SLC2A13: variants seen among roughly 807,000 people sequenced by gnomAD.
The protein encoded by SLC2A13 is proton myo-inositol cotransporter.
SLC2A13 carries 32 observed loss-of-function variants against 64.4 expected under a neutral mutation model. The observed-to-expected ratio is 0.50, with a 90% confidence interval of 0.37 to 0.67. SLC2A13 has a LOEUF of 0.67. SLC2A13 is among the 30% of genes least tolerant of loss of function. The pLI, the probability that SLC2A13 is intolerant of heterozygous loss-of-function variation, is 0.00. For synonymous variants in SLC2A13, 338 were observed against 327.1 expected (o/e 1.03, Z -0.36); for missense variants, 743 against 829.2 (o/e 0.90, Z 1.28).
chr12:39,939,899 A>G (rs889064199), intron 4 of SLC2A13, among the ~76,000 whole-genome samples: 1 of 152,182 alleles, frequency 6.6e-6, no homozygotes, highest in African/African-American at 2.4e-5. Context: ...AATGCACATT[A>G]AAAGTCCATC....
chr12:40,003,385 AGAG>A (rs1947351137), intron 3 of SLC2A13, among the ~76,000 whole-genome samples: 2 of 152,182 alleles, frequency 1.3e-5, no homozygotes, highest in Non-Finnish European at 2.9e-5. Flanking sequence ...GGACCAAGGA[AGAG>A]GAGAGACAAA....
At chr12:39,911,328 C>G (rs1420030402) in intron 4 of SLC2A13, among the ~76,000 whole-genome samples, 1 of 152,052 alleles carries the variant, frequency 6.6e-6, no homozygotes, top group Non-Finnish European at 1.5e-5. Flanking sequence ...ATGTCTTTTT[C>G]ACTTAAGACT....
At chr12:40,099,884 A>C (rs1385814819) in intron 1 of SLC2A13, among the ~76,000 whole-genome samples, 1 of 151,748 alleles carries the variant, frequency 6.6e-6, no homozygotes, top group African/African-American at 2.4e-5. Flanking sequence ...AAAAAGAAAG[A>C]AAGTGGGGAG....
intron 2 of SLC2A13, among the ~76,000 whole-genome samples, chr12:40,036,568 T>C (rs1947988786): frequency 6.6e-6 from 1 of 152,234 alleles, no homozygotes; most frequent in Non-Finnish European, 1.5e-5. Flanking sequence ...TGTACTGTTT[T>C]GTGTCTAGCT....
chr12:39,890,630 CTTTTAT>C (rs1565522343), intron 4 of SLC2A13, among the ~76,000 whole-genome samples: 1 of 151,756 alleles, frequency 6.6e-6, no homozygotes, highest in African/African-American at 2.4e-5. Flanking sequence ...TTAAGGTTTT[CTTTTAT>C]TTTTAATTGA....
chr12:40,087,686 G>A (rs1938628353), intron 1 of SLC2A13, among the ~76,000 whole-genome samples: 1 of 152,048 alleles, frequency 6.6e-6, no homozygotes, highest in African/African-American at 2.4e-5. Context: ...TACCTCATAA[G>A]AGACCAGAGT....
chr12:39,896,316 G>C (rs540154966), intron 4 of SLC2A13, among the ~76,000 whole-genome samples: 1 of 123,870 alleles, frequency 8.1e-6, no homozygotes, highest in Non-Finnish European at 1.7e-5. Context: ...ATACATATAT[G>C]TATGTATATG....
At chr12:39,795,550 A>G (rs948261131) in intron 7 of SLC2A13, among the ~76,000 whole-genome samples, 3 of 152,076 alleles carry the variant, frequency 2.0e-5, no homozygotes, top group Admixed American at 2.0e-4. Context: ...GTTCCCTGGT[A>G]TATTTTATGT....
In SLC2A13 at chr12:39,842,589, C is replaced by G. The variant is rs140605778; in HGVS notation, c.1320-12361G>C. Reference sequence around the variant, plus strand: ...AAGTTCTACGTGGAAAAGTGGTGATCACTCACTATAGCACATATTTTTAAA... The same window carrying G: ...AAGTTCTACGTGGAAAAGTGGTGATGACTCACTATAGCACATATTTTTAAA... On this transcript the variant is annotated intron_variant, in intron 6 of 9. Transcript: ENST00000280871. 3.0e-3 allele frequency among the ~76,000 whole-genome samples: 457 copies of G among 152,072 alleles called. 2 individuals carry two copies. The highest frequency in any genetic ancestry group is 0.022 in the East Asian group (115 of 5,174).
In SLC2A13 at chr12:39,759,851, GA is replaced by G. The variant is rs1013347277; in HGVS notation, c.*174del. The G allele has an allele frequency of 1.7e-4, 95 of 552,702 alleles. No homozygotes were observed. The highest frequency in any genetic ancestry group is 3.8e-4 in the East Asian group (13 of 34,146). 34.2% of individuals were successfully genotyped at this position (552,702 alleles called of 1,614,324 possible). A position where few individuals can be genotyped will look rare whatever the true frequency, so the allele number is the denominator to read the frequency against. On this transcript the variant is annotated 3_prime_UTR_variant, in exon 10 of 10. Transcript: ENST00000280871. Reference sequence around the variant, plus strand: ...ATTTTTTAAAATATTGTTCCTTGTGGAAAAAAAAAGTCATCATGGTTGTATC... The same window carrying G: ...ATTTTTTAAAATATTGTTCCTTGTGGAAAAAAAAGTCATCATGGTTGTATC...
intron 4 of SLC2A13, among the ~76,000 whole-genome samples, chr12:39,882,161 G>A (rs1303858104): frequency 1.3e-5 from 2 of 151,938 alleles, no homozygotes; most frequent in African/African-American, 4.8e-5. Context: ...TACTTACTAT[G>A]TGAGTACTCT....
At chr12:40,055,933 T>C (rs1273495046) in intron 1 of SLC2A13, among the ~76,000 whole-genome samples, 1 of 149,980 alleles carries the variant, frequency 6.7e-6, no homozygotes, top group Non-Finnish European at 1.5e-5. Flanking sequence ...TGGAAGATAT[T>C]AAGCTGCTTG....
At position 39,755,150 on chromosome 12, in the gene SLC2A13, C is replaced by T. The variant is rs1474385653; in HGVS notation, c.*4876G>A. ...AACTTCAATAAAATAACTTAAAAAA[C>T]ATTTACATGTATATCACTAAATCTC... On this transcript the variant is annotated 3_prime_UTR_variant, in exon 10 of 10. Transcript: ENST00000280871. The T allele has an allele frequency of 6.6e-6, 1 of 151,880 alleles. No homozygotes were observed. Among genetic ancestry groups the T allele is most frequent in the East Asian group, 1.9e-4 (1 of 5,202 alleles). 9.4% of individuals were successfully genotyped at this position (151,880 alleles called of 1,614,324 possible). A position where few individuals can be genotyped will look rare whatever the true frequency, so the allele number is the denominator to read the frequency against.
At chr12:39,837,289 G>A (rs1943037491) in intron 6 of SLC2A13, among the ~76,000 whole-genome samples, 1 of 149,290 alleles carries the variant, frequency 6.7e-6, no homozygotes, top group Non-Finnish European at 1.5e-5. Flanking sequence ...CTAGCCATAT[G>A]TAGGAAGCTG....
chr12:39,995,019 AGACT>A (rs1371837180), intron 3 of SLC2A13, among the ~76,000 whole-genome samples: 1 of 152,266 alleles, frequency 6.6e-6, no homozygotes, highest in African/African-American at 2.4e-5. Context: ...TACATAAATT[AGACT>A]GTGTCATTAA....
chr12:39,787,332 CTGT>C (rs906736306), intron 7 of SLC2A13, among the ~76,000 whole-genome samples: 4 of 152,102 alleles, frequency 2.6e-5, no homozygotes, highest in Admixed American at 6.5e-5. Flanking sequence ...ACAGTAATTA[CTGT>C]TGTTATTATT....
intron 4 of SLC2A13, chr12:39,908,085 C>G (rs1044741997): frequency 1.3e-5 from 2 of 151,968 alleles, no homozygotes; most frequent in African/African-American, 4.8e-5. Context: ...GAGCGGGCCC[C>G]TTTCTTCCTA....
chr12:39,877,994 C>T (rs1944234970), intron 4 of SLC2A13, among the ~76,000 whole-genome samples: 1 of 152,162 alleles, frequency 6.6e-6, no homozygotes, highest in Non-Finnish European at 1.5e-5. Flanking sequence ...CTGACCCACT[C>T]TCCTACTGCT....
chr12:39,773,347 C>A (rs971086009), intron 7 of SLC2A13, among the ~76,000 whole-genome samples: 17 of 152,124 alleles, frequency 1.1e-4, no homozygotes, highest in African/African-American at 4.1e-4. Flanking sequence ...AGGCTAAAAC[C>A]TGATATACAG....
Sources: gnomAD v4.1 joint callset for allele counts (sites outside exome capture counted in the v4.1 genomes callset) on GRCh38, gnomAD v4.1.1 for gene constraint, MANE v1.5 for transcripts, NCBI Gene and HGNC (gene_info 2026-07-23, HGNC 2026-07-21) for gene names.